KCNT2: variants seen among roughly 807,000 people sequenced by gnomAD.
KCNT2 encodes potassium channel subfamily T member 2.
Under a neutral mutation model 153.8 loss-of-function variants are expected in KCNT2, and 67 were observed. That is an observed-to-expected ratio of 0.44 (90% CI 0.36 to 0.53). The LOEUF (loss-of-function observed/expected upper bound fraction) is 0.53. Ranked by LOEUF, KCNT2 falls within the 20% of genes least tolerant of loss-of-function variation. KCNT2 has a pLI of 0.00. For missense variants in KCNT2, 975 were observed against 1,354.8 expected (o/e 0.72, Z 4.40); for synonymous variants, 500 against 458.8 (o/e 1.09, Z -1.15).
At chr1:196,548,540 C>CT (rs1444055914) in intron 1 of KCNT2, among the ~76,000 whole-genome samples, 1 of 151,974 alleles carries the variant, frequency 6.6e-6, no homozygotes, top group Non-Finnish European at 1.5e-5. Flanking sequence ...AATAGGAACA[C>CT]TTTTACACTG....
chr1:196,561,264 A>G (rs917670931), intron 1 of KCNT2, among the ~76,000 whole-genome samples: 11 of 151,616 alleles, frequency 7.3e-5, no homozygotes, highest in Non-Finnish European at 1.5e-4. Context: ...AAAGAGAAAA[A>G]ATGGTCAAAG....
chr1:196,585,579 G>A lies in KCNT2; in HGVS notation c.95+22636C>T, dbSNP rs1466311264. On this transcript the variant is annotated intron_variant, in intron 1 of 27. Transcript: ENST00000294725. Reference sequence around the variant, plus strand: ...GGAAATAACTGAGCTATTTATTACAGCCAAGAGGAAGCTAACTAATTAAAA... The same window carrying A: ...GGAAATAACTGAGCTATTTATTACAACCAAGAGGAAGCTAACTAATTAAAA... Among the ~76,000 whole-genome samples the A allele has an allele frequency of 2.0e-5, 3 of 148,362 alleles. No individual in the cohort carries two copies. The Admixed American group carries it at 2.1e-4, about 10-fold the overall frequency.
chr1:196,479,111 A>G, intron 5 of KCNT2, 68 bp downstream of exon 5: 1 of 1,026,382 alleles, frequency 9.7e-7, no homozygotes, highest in Non-Finnish European at 1.5e-6. Context: ...AACTATAAAT[A>G]GAGGAATACT....
chr1:196,377,433 T>A (rs1231233874), intron 13 of KCNT2, among the ~76,000 whole-genome samples: 1 of 151,998 alleles, frequency 6.6e-6, no homozygotes, highest in African/African-American at 2.4e-5. Context: ...ATTTAGATAA[T>A]ATAGAAATGC....
intron 22 of KCNT2, among the ~76,000 whole-genome samples, chr1:196,295,599 T>C (rs1025541108): frequency 4.0e-5 from 6 of 151,888 alleles, no homozygotes; most frequent in Non-Finnish European, 5.9e-5. Context: ...GGTTAGAAAA[T>C]AGTCTTCATA....
intron 22 of KCNT2, among the ~76,000 whole-genome samples, chr1:196,287,440 AAAACAAAC>A (rs56394042): frequency 0.047 from 7,043 of 151,026 alleles, 183 homozygotes; most frequent in Non-Finnish European, 0.057. Flanking sequence ...TTTACTCTTC[AAAACAAAC>A]AAACAAACAA....
In KCNT2 at chr1:196,422,768, A is replaced by T. The variant is rs943290352; in HGVS notation, c.1185+282T>A. 3.3e-5 allele frequency among the ~76,000 whole-genome samples: 5 copies of T among 152,070 alleles called. 1 individual carries two copies. Among genetic ancestry groups the T allele is most frequent in the African/African-American group, 1.2e-4 (5 of 41,562 alleles). On this transcript the variant is annotated intron_variant, in intron 12 of 27. Coordinates refer to ENST00000294725, the MANE Select transcript of KCNT2 (RefSeq NM_198503.5). The stretch of plus-strand genomic sequence containing the variant: ...CACTTTAACAAAACTACATATCATA[A>T]GACATACTTAATAAAAAATGTTCCA...
chr1:196,316,644 A>T (rs143851434), intron 20 of KCNT2, among the ~76,000 whole-genome samples: 8 of 151,876 alleles, frequency 5.3e-5, no homozygotes, highest in African/African-American at 1.9e-4. Context: ...CAAGTGATTG[A>T]ATAACCCGAT....
intron 11 of KCNT2, among the ~76,000 whole-genome samples, chr1:196,425,610 G>T (rs371116560): frequency 6.6e-6 from 1 of 151,920 alleles, no homozygotes; most frequent in African/African-American, 2.4e-5. Flanking sequence ...TGTGCTGTGT[G>T]GTCACAGTCT....
intron 1 of KCNT2, among the ~76,000 whole-genome samples, chr1:196,539,327 A>G (rs1656028759): frequency 6.6e-6 from 1 of 152,218 alleles, no homozygotes; most frequent in Admixed American, 6.5e-5. Flanking sequence ...CTGGGAATAC[A>G]GTGCCCTCAC....
chr1:196,396,898 G>A (rs142982712), intron 13 of KCNT2, among the ~76,000 whole-genome samples: 7 of 151,250 alleles, frequency 4.6e-5, no homozygotes, highest in Non-Finnish European at 7.4e-5. Flanking sequence ...TACCAACGGC[G>A]TGCTAAAGGG....
At chr1:196,466,827 T>C (rs543135278) in intron 7 of KCNT2, among the ~76,000 whole-genome samples, 1 of 152,128 alleles carries the variant, frequency 6.6e-6, no homozygotes, top group Non-Finnish European at 1.5e-5. Flanking sequence ...ACAGCTAGCT[T>C]TGAAGTACTA....
At chr1:196,467,900 T>C (rs1677757695) in intron 6 of KCNT2, 114 bp from the exon 7 acceptor site, 1 of 505,838 alleles carries the variant, frequency 2.0e-6, no homozygotes, top group South Asian at 4.8e-5. Context: ...TAATTTAAAA[T>C]ATGACAAATA....
chr1:196,227,876 G>C lies in KCNT2; in HGVS notation c.*348C>G, dbSNP rs1204947203. 5.8e-6 allele frequency: 1 copy of C among 172,008 alleles called. No individual in the cohort carries two copies. The highest frequency in any genetic ancestry group is 1.2e-5 in the Non-Finnish European group (1 of 80,652). The allele number at this position is 172,008 out of a possible 1,614,324, so 10.7% of individuals were successfully genotyped here. On this transcript the variant is annotated 3_prime_UTR_variant, in exon 28 of 28. Coordinates refer to ENST00000294725, the MANE Select transcript of KCNT2 (RefSeq NM_198503.5). ...AGCAGCATTCTGTGTCCATTGTGATGCACCAAATATAGTTAGATTTTGTCA... is the reference window on the plus strand; with the variant it reads ...AGCAGCATTCTGTGTCCATTGTGATCCACCAAATATAGTTAGATTTTGTCA...
chr1:196,400,144 A>C (rs1671288721), intron 12 of KCNT2, among the ~76,000 whole-genome samples: 1 of 151,774 alleles, frequency 6.6e-6, no homozygotes, highest in African/African-American at 2.4e-5. Flanking sequence ...AATTCTACTA[A>C]GATTCATCAA....
chr1:196,492,540 A>T (rs541789422), intron 1 of KCNT2, among the ~76,000 whole-genome samples, 199 bp from the exon 2 acceptor site: 1 of 152,256 alleles, frequency 6.6e-6, no homozygotes, highest in South Asian at 2.1e-4. Flanking sequence ...TAAAGTACTG[A>T]TTTAGAGAGA....
At chr1:196,325,410 T>C (rs1277434301) in intron 19 of KCNT2, among the ~76,000 whole-genome samples, 1 of 152,100 alleles carries the variant, frequency 6.6e-6, no homozygotes, top group Admixed American at 6.6e-5. Context: ...GTACTCATCA[T>C]AAGCAAAAGA....
intron 1 of KCNT2, among the ~76,000 whole-genome samples, chr1:196,527,439 T>C (rs1023956111): frequency 6.6e-6 from 1 of 152,142 alleles, no homozygotes; most frequent in Non-Finnish European, 1.5e-5. Context: ...TCAAAAGTAT[T>C]CACGTGTGAG....
At chr1:196,533,632 T>G (rs1207297029) in intron 1 of KCNT2, among the ~76,000 whole-genome samples, 2 of 152,128 alleles carry the variant, frequency 1.3e-5, no homozygotes, top group East Asian at 3.9e-4. Context: ...GAGGGATTCT[T>G]TACATAATCC....
Sources: gnomAD v4.1 joint callset for allele counts (sites outside exome capture counted in the v4.1 genomes callset) on GRCh38, gnomAD v4.1.1 for gene constraint, MANE v1.5 for transcripts, NCBI Gene and HGNC (gene_info 2026-07-23, HGNC 2026-07-21) for gene names.